The following ATRNL1 variants were observed in gnomAD, a reference collection of about 807,000 sequenced individuals.
The protein encoded by ATRNL1 is attractin like 1, also known as attractin-like protein 1.
Under a neutral mutation model 182.7 loss-of-function variants are expected in ATRNL1, and 95 were observed. The observed-to-expected ratio is 0.52, with a 90% CI of 0.44 to 0.62. The LOEUF (loss-of-function observed/expected upper bound fraction) is 0.62. Among genes scored for constraint, ATRNL1 ranks in the 20% least tolerant of loss-of-function variants. ATRNL1 has a pLI of 0.00. For missense variants in ATRNL1, 1,471 were observed against 1,679.5 expected (o/e 0.88, Z 2.17); for synonymous variants, 576 against 568.3 (o/e 1.01, Z -0.19).
intron 19 of ATRNL1, among the ~76,000 whole-genome samples, chr10:115,379,888 G>T (rs782068788): frequency 1.3e-5 from 2 of 152,156 alleles, no homozygotes; most frequent in Non-Finnish European, 2.9e-5. Context: ...ATGCAGTGGC[G>T]TGATCTCAGC....
At chr10:115,270,100 T>A (rs1554912344) in intron 13 of ATRNL1, among the ~76,000 whole-genome samples, 1 of 151,360 alleles carries the variant, frequency 6.6e-6, no homozygotes, top group Non-Finnish European at 1.5e-5. Flanking sequence ...CCACTGATAT[T>A]CATCTAATGG....
intron 15 of ATRNL1, among the ~76,000 whole-genome samples, chr10:115,297,352 C>A (rs1853245789): frequency 6.6e-6 from 1 of 151,980 alleles, no homozygotes; most frequent in Non-Finnish European, 1.5e-5. Context: ...AAATAAGGGA[C>A]AATTACCGTC....
chr10:115,423,804 A>C (rs1845755044), intron 20 of ATRNL1, among the ~76,000 whole-genome samples: 1 of 152,206 alleles, frequency 6.6e-6, no homozygotes, highest in African/African-American at 2.4e-5. Context: ...TAAGTCCTCA[A>C]AATGTGAGAC....
intron 3 of ATRNL1, among the ~76,000 whole-genome samples, chr10:115,126,620 G>A (rs1454740267): frequency 6.6e-6 from 1 of 152,040 alleles, no homozygotes; most frequent in Admixed American, 6.6e-5. Flanking sequence ...TTTTTAACTT[G>A]TTTGCATTTG....
At chr10:115,187,174 A>AT (rs34825200) in intron 8 of ATRNL1, among the ~76,000 whole-genome samples, 9,899 of 141,774 alleles carry the variant, frequency 0.07, 973 homozygotes, top group African/African-American at 0.24. Flanking sequence ...TCTGGGAATA[A>AT]TTTTTTTTTT....
intron 9 of ATRNL1, among the ~76,000 whole-genome samples, chr10:115,233,602 C>A (rs1850051315): frequency 6.6e-6 from 1 of 152,062 alleles, no homozygotes; most frequent in African/African-American, 2.4e-5. Context: ...TATTCCTGAG[C>A]TTTTAAAAAA....
intron 1 of ATRNL1, among the ~76,000 whole-genome samples, chr10:115,115,269 G>T (rs1010518069): frequency 6.6e-6 from 1 of 152,010 alleles, no homozygotes; most frequent in Non-Finnish European, 1.5e-5. Flanking sequence ...ATTGGTCAAA[G>T]GGTGCAAAGT....
chr10:115,265,393 G>T, intron 11 of ATRNL1, 116 bp downstream of exon 11: 1 of 596,952 alleles, frequency 1.7e-6, no homozygotes, highest in Admixed American at 2.8e-5. Context: ...TGGATTTTAT[G>T]CATCTCTTCT....
intron 26 of ATRNL1, among the ~76,000 whole-genome samples, chr10:115,693,808 G>A (rs1252915113): frequency 6.6e-6 from 1 of 151,902 alleles, no homozygotes; most frequent in Non-Finnish European, 1.5e-5. Context: ...GATAAAAATT[G>A]GGCACACATA....
chr10:115,185,121 A>G (rs1335728258), intron 8 of ATRNL1, among the ~76,000 whole-genome samples: 4 of 152,000 alleles, frequency 2.6e-5, no homozygotes, highest in African/African-American at 9.7e-5. Flanking sequence ...GTATGAGTTT[A>G]TGGTTACTTA....
Position 115,093,947 on chromosome 10 carries a change from C to G in ATRNL1, c.197C>G (p.Thr66Ser). Reference protein sequence around the residue: ...QVSQSKPCERTGSCFSGRCVN... With the variant: ...QVSQSKPCERSGSCFSGRCVN... ...TCCCAGTCCAAGCCGTGCGAGAGGACCGGCTCCTGCTTCTCGGGCCGCTGT... is the reference window on the plus strand; with the variant it reads ...TCCCAGTCCAAGCCGTGCGAGAGGAGCGGCTCCTGCTTCTCGGGCCGCTGT... The change falls in exon 1 of 29, where the codon ACC becomes AGC. Residue 66 changes from threonine (T) to serine (S), a missense_variant. Coordinates refer to ENST00000355044, the MANE Select transcript of ATRNL1 (RefSeq NM_207303.4). The surrounding 1 kb of genome is among the most constrained non-coding windows in gnomAD (Gnocchi z 6.1). The G allele has an allele frequency of 6.3e-7, 1 of 1,591,058 alleles. No individual in the cohort carries two copies.
At chr10:115,341,427 A>G (rs782613582) in intron 19 of ATRNL1, among the ~76,000 whole-genome samples, 1 of 152,166 alleles carries the variant, frequency 6.6e-6, no homozygotes, top group Non-Finnish European at 1.5e-5. Flanking sequence ...GTGACCTAAC[A>G]TATGGTCTAT....
intron 27 of ATRNL1, among the ~76,000 whole-genome samples, chr10:115,740,946 A>G (rs1948123022): frequency 6.6e-6 from 1 of 151,810 alleles, no homozygotes; most frequent in African/African-American, 2.4e-5. Context: ...TGATTTTTTT[A>G]CTCATCCCAG....
intron 18 of ATRNL1, among the ~76,000 whole-genome samples, chr10:115,324,917 T>C (rs1554932702): frequency 6.6e-6 from 1 of 152,194 alleles, no homozygotes; most frequent in African/African-American, 2.4e-5. Context: ...ATTTTGAATC[T>C]CTGCTTCATT....
At chr10:115,379,304 C>A (rs189491455) in intron 19 of ATRNL1, among the ~76,000 whole-genome samples, 1 of 152,258 alleles carries the variant, frequency 6.6e-6, no homozygotes, top group East Asian at 1.9e-4. Flanking sequence ...ATAATTTCAG[C>A]ACTGTCATGA....
intron 20 of ATRNL1, among the ~76,000 whole-genome samples, chr10:115,416,921 G>C (rs1554960975): frequency 1.3e-5 from 2 of 152,140 alleles, no homozygotes; most frequent in African/African-American, 4.8e-5. Flanking sequence ...CCAGCAAGAT[G>C]GCAGAATAGG....
chr10:115,653,809 G>T (rs1212027374), intron 26 of ATRNL1, among the ~76,000 whole-genome samples: 5 of 152,128 alleles, frequency 3.3e-5, no homozygotes, highest in African/African-American at 1.2e-4. Flanking sequence ...CCTGCACAGT[G>T]CCCTGGCTCA....
Position 115,717,395 on chromosome 10 carries a change from A to G in ATRNL1, c.3796-9853A>G, listed in dbSNP as rs1465915730. Among the ~76,000 whole-genome samples, 4 of 152,098 alleles carry G rather than the reference A, an allele frequency of 2.6e-5. No individual in the cohort carries two copies. The East Asian group carries it at 5.8e-4, about 22-fold the overall frequency. Reference sequence around the variant, plus strand: ...TACAGATGTGATTTCAATGTATCTTAATCTTGATAAACCCAATATTATACT... The same window carrying G: ...TACAGATGTGATTTCAATGTATCTTGATCTTGATAAACCCAATATTATACT... On this transcript the variant is annotated intron_variant, in intron 26 of 28. Coordinates refer to ENST00000355044, the MANE Select transcript of ATRNL1 (RefSeq NM_207303.4).
chr10:115,197,986 T>C (rs1456308513), intron 8 of ATRNL1, among the ~76,000 whole-genome samples: 1 of 152,170 alleles, frequency 6.6e-6, no homozygotes, highest in Non-Finnish European at 1.5e-5. Context: ...AACATGGAAA[T>C]GCAGATATCT....
Sources: gnomAD v4.1 joint callset for allele counts (sites outside exome capture counted in the v4.1 genomes callset) on GRCh38, gnomAD v4.1.1 for gene constraint, Gnocchi (gnomAD v3.1) non-coding constraint, MANE v1.5 for transcripts, NCBI Gene and HGNC (gene_info 2026-07-23, HGNC 2026-07-21) for gene names.